The following RBM5 variants were observed in gnomAD, a reference collection of about 807,000 sequenced individuals.
The protein encoded by RBM5 is RNA-binding protein 5.
Under a neutral mutation model 124.6 loss-of-function variants are expected in RBM5, and 15 were observed. The observed-to-expected ratio is 0.12, with a 90% CI of 0.08 to 0.19. The LOEUF (loss-of-function observed/expected upper bound fraction) is 0.19, where lower values mean the gene tolerates loss of function less well. Among genes scored for constraint, RBM5 ranks in the 10% least tolerant of loss-of-function variants. The probability of loss-of-function intolerance (pLI) is 1.00; values close to 1 mark genes in which losing one functional copy is unlikely to be tolerated. For synonymous variants in RBM5, 337 were observed against 361.2 expected (o/e 0.93, Z 0.76); for missense variants, 580 against 1,026.5 (o/e 0.57, Z 5.94).
chr3:50,114,507 A>G (rs184817645), intron 20 of RBM5: 128 of 469,650 alleles, frequency 2.7e-4, no homozygotes, highest in Admixed American at 2.9e-4. Context: ...GTGAGTGGAG[A>G]GTTTTAATGG....
At position 50,113,862 on chromosome 3, in the gene RBM5, A is replaced by C. The variant is rs891590569; in HGVS notation, c.1618-88A>C. The C allele has an allele frequency of 1.1e-5, 16 of 1,443,174 alleles. No homozygotes were observed. The Admixed American group carries it at 3.3e-4, about 30-fold the overall frequency. The allele number at this position is 1,443,174 out of a possible 1,614,324, so 89.4% of individuals were successfully genotyped here. On this transcript the variant is annotated intron_variant, in intron 18 of 24. Transcript: ENST00000347869. ...GAGTAAAAGGGGTTTGTTACAGGGC[A>C]TATAGTTGAGATAAGATCCTTAATG...
At chr3:50,115,728 T>C in intron 21 of RBM5, 121 bp downstream of exon 21, 1 of 1,296,842 alleles carries the variant, frequency 7.7e-7, no homozygotes, top group Non-Finnish European at 1.1e-6. Flanking sequence ...TACAGAAAGC[T>C]GTTCCCGATG....
At chr3:50,108,031 C>T (rs1270705797) in intron 12 of RBM5, 39 bp from the exon 13 acceptor site, 2 of 1,533,748 alleles carry the variant, frequency 1.3e-6, no homozygotes, top group African/African-American at 1.4e-5. Context: ...TCCTTAATGC[C>T]TACTAAGTTT....
chr3:50,100,122 C>G lies in RBM5; in HGVS notation c.409+71C>G, dbSNP rs774947110. The G allele has an allele frequency of 1.5e-4, 204 of 1,337,904 alleles. No individual in the cohort carries two copies. Among genetic ancestry groups the G allele is most frequent in the Non-Finnish European group, 2.0e-4 (187 of 947,364 alleles). 82.9% of individuals were successfully genotyped at this position (1,337,904 alleles called of 1,614,324 possible). ...CCCACCTCAGTCCCTAAAGAACATC[C>G]TGATTCCCCCAGTCTTCAAGCACAT... On this transcript the variant is annotated intron_variant, in intron 5 of 24. Coordinates refer to ENST00000347869, the MANE Select transcript of RBM5 (RefSeq NM_005778.4). The surrounding 1 kb of genome is among the most constrained non-coding windows in gnomAD (Gnocchi z 5.1).
intron 2 of RBM5, among the ~76,000 whole-genome samples, chr3:50,091,530 A>C (rs911046985): frequency 6.6e-6 from 1 of 152,218 alleles, no homozygotes; most frequent in Non-Finnish European, 1.5e-5. Flanking sequence ...TGTATCTGAC[A>C]GACAACTAAG....
Position 50,090,410 on chromosome 3 carries a change from T to C in RBM5, c.-25T>C, listed in dbSNP as rs1413235030. The C allele has an allele frequency of 6.2e-7, 1 of 1,613,812 alleles. No individual in the cohort carries two copies. The stretch of plus-strand genomic sequence containing the variant: ...AAATAAAATTTGAACCTTTTGGAGC[T>C]GTGTGCTAAATCTTCAGTGGGACAA... On this transcript the variant is annotated 5_prime_UTR_variant, in exon 2 of 25. Transcript: ENST00000347869.
At chr3:50,105,738 T>C (rs771689644) in intron 10 of RBM5, 29 bp downstream of exon 10, 1 of 1,608,814 alleles carries the variant, frequency 6.2e-7, no homozygotes, top group Non-Finnish European at 8.5e-7. Flanking sequence ...CTTTCCTTTT[T>C]AAAAGAAACA....
chr3:50,093,750 T>A lies in RBM5; in HGVS notation c.214T>A (p.Ser72Thr), dbSNP rs550716644. 1.9e-6 allele frequency: 3 copies of A among 1,613,840 alleles called. No homozygotes were observed. In the East Asian group the frequency reaches 6.7e-5, roughly 36 times the overall value. Residue 72 changes from serine to threonine, a missense_variant, in exon 4 of 25, where the codon TCC becomes ACC. By Grantham distance (58) the Ser-to-Thr change is moderately conservative (BLOSUM62 1). This residue lies in a region of RBM5 where 99 missense variants were observed against 121.1 expected (regional missense o/e 0.82). Coordinates refer to ENST00000347869, the MANE Select transcript of RBM5 (RefSeq NM_005778.4). ...GCGTGAAAGAAGGAACAGTGACCGA[T>A]CCGAAGATGGCTACCATTCAGATGG... ...RERERRNSDR[S>T]EDGYHSDGDY...
rs2091264978 is a variant in RBM5 at position 50,116,983 on chromosome 3, A to C, written c.2095-91A>C. The C allele has an allele frequency of 6.6e-6, 8 of 1,204,796 alleles. No individual in the cohort carries two copies. In the East Asian group the frequency reaches 1.9e-4, roughly 29 times the overall value. The allele number at this position is 1,204,796 out of a possible 1,614,324, so 74.6% of individuals were successfully genotyped here. Reference sequence around the variant, plus strand: ...AAAAAAGCATTCTTCAGATTTAAAAATACTTGAGGGGATAGTTTTGAATAG... The same window carrying C: ...AAAAAAGCATTCTTCAGATTTAAAACTACTTGAGGGGATAGTTTTGAATAG... On this transcript the variant is annotated intron_variant, in intron 22 of 24. Transcript: ENST00000347869.
Position 50,103,088 on chromosome 3 carries a change from G to T in RBM5, c.489G>T (p.Lys163Asn), listed in dbSNP as rs56783610. 6.2e-7 allele frequency: 1 copy of T among 1,604,126 alleles called. No individual in the cohort carries two copies. Among genetic ancestry groups the T allele is most frequent in the African/African-American group, 1.3e-5 (1 of 74,790 alleles). Residue 163 changes from lysine (K) to asparagine (N), a missense_variant, in exon 7 of 25, where the codon AAG becomes AAT. Around this residue, in one of 6 missense-constraint regions of RBM5, gnomAD observed 101 missense variants for 223.2 expected, o/e 0.45. Transcript: ENST00000347869. The part of the protein sequence containing the change: ...ATSWMEANQK[K>N]LVIQGKHIAM... Reference sequence around the variant, plus strand: ...AATTACTTCTTTTCTTACAGAAAAAGTTGGTGATTCAAGGAAAGCACATTG... The same window carrying T: ...AATTACTTCTTTTCTTACAGAAAAATTTGGTGATTCAAGGAAAGCACATTG...
intron 17 of RBM5, among the ~76,000 whole-genome samples, chr3:50,111,379 A>G (rs1376443165): frequency 6.6e-6 from 1 of 152,150 alleles, no homozygotes; most frequent in East Asian, 1.9e-4. Context: ...ACTCTCCTCC[A>G]GTAACTACTA....
chr3:50,118,006 T>C, intron 24 of RBM5: 1 of 349,394 alleles, frequency 2.9e-6, no homozygotes, highest in South Asian at 3.2e-5. Context: ...CATTGAGCTA[T>C]CCTGTATAAT....
chr3:50,098,783 T>TTCCCCAGGCTGGTCTCACACTCCTGTGC (rs2090876903), intron 4 of RBM5, among the ~76,000 whole-genome samples: 1 of 152,104 alleles, frequency 6.6e-6, no homozygotes, highest in African/African-American at 2.4e-5. Context: ...TCTTACTGTG[T>TTCCCCAGGCTGGTCTCACACTCCTGTGC]TCCCCAGGCT....
chr3:50,095,727 C>T (rs2090800036), intron 4 of RBM5, among the ~76,000 whole-genome samples: 2 of 151,970 alleles, frequency 1.3e-5, no homozygotes, highest in South Asian at 4.1e-4. Flanking sequence ...TTACTGTAGC[C>T]ATCAACACAC....
In RBM5 at chr3:50,110,278, GTGTC is replaced by G. The variant is rs2091119131; in HGVS notation, c.1279-96_1279-93del. The G allele has an allele frequency of 1.5e-5, 14 of 944,228 alleles. No individual in the cohort carries two copies. The Admixed American group carries it at 3.2e-4, about 22-fold the overall frequency. The allele number at this position is 944,228 out of a possible 1,614,324, so 58.5% of individuals were successfully genotyped here. ...GATTGCCTTAGATTATTGCTACAGT[GTGTC>G]TGTCAGGGGAGCCCTTCCTCCTGGA... On this transcript the variant is annotated intron_variant, in intron 15 of 24. Coordinates refer to ENST00000347869, the MANE Select transcript of RBM5 (RefSeq NM_005778.4).
At chr3:50,110,142 C>T (rs923132291) in intron 15 of RBM5, among the ~76,000 whole-genome samples, 3 of 152,204 alleles carry the variant, frequency 2.0e-5, no homozygotes, top group African/African-American at 7.2e-5. Context: ...ACCCCGGAGA[C>T]GGAGGTTGCA....
rs1263948207 is a variant in RBM5, at chr3:50,113,525, A to G, written c.1598A>G (p.Lys533Arg). 3.7e-6 allele frequency: 6 copies of G among 1,613,980 alleles called. No individual in the cohort carries two copies. Among genetic ancestry groups the G allele is most frequent in the Admixed American group, 1.7e-5 (1 of 59,980 alleles). Reference protein sequence around the residue: ...KEGKEKKEKPKSKTAQQIAKD... With the variant: ...KEGKEKKEKPRSKTAQQIAKD... ...GGGAAAGAGAAGAAGGAGAAACCCA[A>G]GAGCAAAACAGCCCAGCAGGTTAGA... Residue 533 changes from lysine (K) to arginine (R), a missense_variant, in exon 18 of 25, where the codon AAG becomes AGG. Lys to Arg is a conservative substitution (Grantham distance 26). Coordinates refer to ENST00000347869, the MANE Select transcript of RBM5 (RefSeq NM_005778.4).
chr3:50,101,170 C>G (rs929563800), intron 6 of RBM5: 4 of 152,298 alleles, frequency 2.6e-5, no homozygotes, highest in Non-Finnish European at 5.9e-5. Flanking sequence ...CATTAACATT[C>G]TAATCTCCTT....
At position 50,117,889 on chromosome 3, in the gene RBM5, T is replaced by G. The variant is rs558401488; in HGVS notation, c.2323-442T>G. The G allele has an allele frequency of 1.4e-4, 25 of 179,402 alleles. No individual in the cohort carries two copies. The South Asian group carries it at 1.5e-3, about 10-fold the overall frequency. 11.1% of individuals were successfully genotyped at this position (179,402 alleles called of 1,614,324 possible). A position where few individuals can be genotyped will look rare whatever the true frequency, so the allele number is the denominator to read the frequency against. ...GATCGGAGGCCCCTACCCACTGGCC[T>G]TCTAGGCAGGAGCTCCACCCGTAAT... On this transcript the variant is annotated intron_variant, in intron 24 of 24. Coordinates refer to ENST00000347869, the MANE Select transcript of RBM5 (RefSeq NM_005778.4). The surrounding 1 kb of genome is among the most constrained non-coding windows in gnomAD (Gnocchi z 4.2).
Sources: gnomAD v4.1 joint callset for allele counts (sites outside exome capture counted in the v4.1 genomes callset) on GRCh38, gnomAD v4.1.1 for gene constraint, gnomAD v4.1.1 regional missense constraint, Gnocchi (gnomAD v3.1) non-coding constraint, MANE v1.5 for transcripts, NCBI Gene and HGNC (gene_info 2026-07-23, HGNC 2026-07-21) for gene names.